Variants in CTNNBL1 observed in about 807,000 individuals in gnomAD.
CTNNBL1 encodes catenin beta like 1, also known as beta-catenin-like protein 1.
Under a neutral mutation model 72.7 loss-of-function variants are expected in CTNNBL1, and 31 were observed. That is an observed-to-expected ratio of 0.43 (90% CI 0.32 to 0.58). CTNNBL1 has a LOEUF of 0.58. Among genes scored for constraint, CTNNBL1 ranks in the 20% least tolerant of loss-of-function variants. The pLI is 0.08. For synonymous variants in CTNNBL1, 240 were observed against 267.3 expected, an observed-to-expected ratio of 0.90 and a Z score of 1.00; for missense variants, 534 against 725.1, an observed-to-expected ratio of 0.74 and a Z score of 3.03.
chr20:37,718,276 G>C (rs1341224100), intron 1 of CTNNBL1, among the ~76,000 whole-genome samples: 2 of 134,674 alleles, frequency 1.5e-5, no homozygotes, highest in African/African-American at 3.0e-5. Context: ...GTGGCTGGCC[G>C]GGCGGGGGGC....
At chr20:37,820,184 G>A (rs2072093823) in intron 11 of CTNNBL1, among the ~76,000 whole-genome samples, 1 of 151,984 alleles carries the variant, frequency 6.6e-6, no homozygotes, top group Non-Finnish European at 1.5e-5. Flanking sequence ...GCCCTTTTAA[G>A]ATCTTTTGTA....
At chr20:37,809,243 C>T (rs1441652853) in intron 11 of CTNNBL1, among the ~76,000 whole-genome samples, 2 of 152,074 alleles carry the variant, frequency 1.3e-5, no homozygotes, top group African/African-American at 4.8e-5. Flanking sequence ...ACATACTAGA[C>T]AAGAATATTT....
At chr20:37,771,077 C>A (rs2073518690) in intron 7 of CTNNBL1, among the ~76,000 whole-genome samples, 1 of 152,130 alleles carries the variant, frequency 6.6e-6, no homozygotes, top group African/African-American at 2.4e-5. Context: ...ACTTTTCTGG[C>A]CTGTTTTCTC....
chr20:37,764,011 C>G (rs1038197828), intron 5 of CTNNBL1, among the ~76,000 whole-genome samples: 1 of 152,108 alleles, frequency 6.6e-6, no homozygotes, highest in African/African-American at 2.4e-5. Context: ...AGGAACTTGG[C>G]TTTTTCTTAG....
chr20:37,807,553 T>G (rs911198215), intron 11 of CTNNBL1, among the ~76,000 whole-genome samples: 1 of 152,086 alleles, frequency 6.6e-6, no homozygotes, highest in African/African-American at 2.4e-5. Flanking sequence ...TGTTCCCAAG[T>G]CAACAGAAGG....
At chr20:37,726,158 A>G (rs1054861804) in intron 1 of CTNNBL1, among the ~76,000 whole-genome samples, 1 of 152,172 alleles carries the variant, frequency 6.6e-6, no homozygotes, top group African/African-American at 2.4e-5. Context: ...TGAATTTAGG[A>G]AAAATTGACT....
intron 11 of CTNNBL1, among the ~76,000 whole-genome samples, chr20:37,813,329 C>T (rs1235498402): frequency 1.3e-5 from 2 of 152,176 alleles, no homozygotes; most frequent in Non-Finnish European, 2.9e-5. Context: ...GAGGACGGTA[C>T]TGGTGCCCTG....
At chr20:37,795,991 C>T (rs2073770647) in intron 10 of CTNNBL1, among the ~76,000 whole-genome samples, 1 of 149,058 alleles carries the variant, frequency 6.7e-6, no homozygotes, top group African/African-American at 2.5e-5. Flanking sequence ...ATAGTTTGGT[C>T]CTTTTGAGAC....
At position 37,742,928 on chromosome 20, in the gene CTNNBL1, C is replaced by T. The variant is rs535466757; in HGVS notation, c.327-3540C>T. 7.9e-5 allele frequency among the ~76,000 whole-genome samples: 12 copies of T among 152,144 alleles called. No individual in the cohort carries two copies. In the South Asian group the frequency reaches 1.2e-3, roughly 16 times the overall value. On this transcript the variant is annotated intron_variant, in intron 3 of 15. Coordinates refer to ENST00000361383, the MANE Select transcript of CTNNBL1 (RefSeq NM_030877.5). ...AAGCAATTCTCCTGCCTCAGCTTCT[C>T]GAGTAGCTGGGATTACAAGTGTGCG...
chr20:37,817,527 G>A (rs1217158453), intron 11 of CTNNBL1, among the ~76,000 whole-genome samples: 1 of 152,176 alleles, frequency 6.6e-6, no homozygotes, highest in African/African-American at 2.4e-5. Flanking sequence ...TTTAGAAAAT[G>A]CAGACTTGAG....
intron 15 of CTNNBL1, among the ~76,000 whole-genome samples, chr20:37,868,228 C>T (rs551109615): frequency 5.7e-4 from 86 of 152,168 alleles, no homozygotes; most frequent in African/African-American, 2.0e-3. Flanking sequence ...GGCAGGGTAG[C>T]CTGTTGCTTA....
At chr20:37,696,806 C>T (rs2122532732) in intron 1 of CTNNBL1, among the ~76,000 whole-genome samples, 2 of 152,200 alleles carry the variant, frequency 1.3e-5, no homozygotes, top group South Asian at 4.1e-4. Context: ...AATGATAACA[C>T]TTACGATATA....
chr20:37,773,014 C>T (rs961805256), intron 7 of CTNNBL1, among the ~76,000 whole-genome samples: 3 of 152,246 alleles, frequency 2.0e-5, no homozygotes, highest in East Asian at 1.9e-4. Flanking sequence ...TGCTGCATCA[C>T]AATTAATGTT....
intron 11 of CTNNBL1, among the ~76,000 whole-genome samples, chr20:37,833,333 G>T (rs932034539): frequency 8.5e-5 from 13 of 152,296 alleles, no homozygotes; most frequent in African/African-American, 3.1e-4. Context: ...GAGCTGAGCT[G>T]GGGGAAGGGT....
chr20:37,781,117 C>A (rs147137830), intron 10 of CTNNBL1, among the ~76,000 whole-genome samples: 17 of 152,198 alleles, frequency 1.1e-4, no homozygotes, highest in African/African-American at 4.1e-4. Flanking sequence ...TTGTGTTTAG[C>A]TGATTTTTGC....
chr20:37,715,093 C>T (rs561752147), intron 1 of CTNNBL1, among the ~76,000 whole-genome samples: 69 of 152,294 alleles, frequency 4.5e-4, no homozygotes, highest in African/African-American at 1.5e-3. Flanking sequence ...GTACTAGAGC[C>T]GCTAACAGTT....
Position 37,694,091 on chromosome 20 carries a change from A to AG in CTNNBL1, c.-29dup. The AG allele has an allele frequency of 6.2e-7, 1 of 1,601,678 alleles. No homozygotes were observed. Among genetic ancestry groups the AG allele is most frequent in the South Asian group, 1.1e-5 (1 of 89,322 alleles). On this transcript the variant is annotated 5_prime_UTR_variant, in exon 1 of 16. Transcript: ENST00000361383. ...GGGCCCGCGGTCTGGGCGTGAGTGC[A>AG]GGGAAGTGGAGTATTTGCTGGGCCG...
chr20:37,755,824 T>C (rs1402134833), intron 4 of CTNNBL1, among the ~76,000 whole-genome samples: 1 of 152,214 alleles, frequency 6.6e-6, no homozygotes, highest in Non-Finnish European at 1.5e-5. Flanking sequence ...CAGGCCTGGC[T>C]CCCACAACTA....
At chr20:37,740,806 G>A (rs967838383) in intron 3 of CTNNBL1, among the ~76,000 whole-genome samples, 1 of 152,182 alleles carries the variant, frequency 6.6e-6, no homozygotes, top group Non-Finnish European at 1.5e-5. Context: ...AAGGCAAATG[G>A]TGTCTTAGAT....
Sources: gnomAD v4.1 joint callset for allele counts (sites outside exome capture counted in the v4.1 genomes callset) on GRCh38, gnomAD v4.1.1 for gene constraint, MANE v1.5 for transcripts, NCBI Gene and HGNC (gene_info 2026-07-23, HGNC 2026-07-21) for gene names.